PITPNC1: variants seen among roughly 807,000 people sequenced by gnomAD.
PITPNC1 encodes cytoplasmic phosphatidylinositol transfer protein 1.
A neutral mutation model predicts 44.7 loss-of-function variants in PITPNC1; 18 were observed. That is an observed-to-expected ratio of 0.40 (90% CI 0.28 to 0.60). PITPNC1 has a LOEUF of 0.60. PITPNC1 is among the 20% of genes least tolerant of loss of function. The pLI is 0.39. For missense variants in PITPNC1, 290 were observed against 418.4 expected (o/e 0.69, Z 2.68); for synonymous variants, 141 against 149.6 (o/e 0.94, Z 0.42).
chr17:67,419,197 A>C (rs2038630079), intron 1 of PITPNC1, among the ~76,000 whole-genome samples: 1 of 151,996 alleles, frequency 6.6e-6, no homozygotes, highest in Admixed American at 6.6e-5. Context: ...GAAAGCAGAA[A>C]GATGCAACAG....
intron 1 of PITPNC1, among the ~76,000 whole-genome samples, chr17:67,504,557 G>A (rs1354782429): frequency 6.6e-6 from 1 of 152,186 alleles, no homozygotes; most frequent in Non-Finnish European, 1.5e-5. Flanking sequence ...CTGGAGCAAA[G>A]GGAAGACCTG....
At chr17:67,493,982 T>C (rs776166914) in intron 1 of PITPNC1, among the ~76,000 whole-genome samples, 11 of 152,236 alleles carry the variant, frequency 7.2e-5, no homozygotes, top group Non-Finnish European at 1.3e-4. Flanking sequence ...ATGTATTGAA[T>C]GCCTGCCATG....
At chr17:67,406,390 T>A (rs2038401750) in intron 1 of PITPNC1, among the ~76,000 whole-genome samples, 1 of 152,184 alleles carries the variant, frequency 6.6e-6, no homozygotes, top group Admixed American at 6.5e-5. Flanking sequence ...CCCCAACCAC[T>A]GGCAGCTACT....
intron 2 of PITPNC1, among the ~76,000 whole-genome samples, chr17:67,535,015 A>G (rs2040509212): frequency 6.6e-6 from 1 of 152,188 alleles, no homozygotes; most frequent in Non-Finnish European, 1.5e-5. Context: ...GGGTGGATGG[A>G]ATTCTCCCAG....
chr17:67,404,254 A>T (rs2038364740), intron 1 of PITPNC1, among the ~76,000 whole-genome samples: 1 of 152,246 alleles, frequency 6.6e-6, no homozygotes, highest in Admixed American at 6.5e-5. Flanking sequence ...GAACATTCTC[A>T]GTGGAAAATG....
chr17:67,398,062 C>T lies in PITPNC1; in HGVS notation c.48+19860C>T, dbSNP rs574493519. ...GAGCCGAGATCGCGCCACTGCACTC[C>T]AGCCTGGGCGACAGAGCGAGACTCC... is the stretch of plus-strand genomic sequence containing the variant. On this transcript the variant is annotated intron_variant, in intron 1 of 8. Transcript: ENST00000581322. 8.5e-4 allele frequency among the ~76,000 whole-genome samples: 126 copies of T among 148,538 alleles called. 3 individuals are homozygous for T. The South Asian group carries it at 0.018, about 21-fold the overall frequency.
At chr17:67,403,045 T>A (rs545084048) in intron 1 of PITPNC1, among the ~76,000 whole-genome samples, 1 of 152,246 alleles carries the variant, frequency 6.6e-6, no homozygotes, top group African/African-American at 2.4e-5. Context: ...GTGATAAGCA[T>A]GCCTTTGTGT....
intron 8 of PITPNC1, among the ~76,000 whole-genome samples, chr17:67,678,530 G>A (rs2042645034): frequency 6.6e-6 from 1 of 152,202 alleles, no homozygotes; most frequent in African/African-American, 2.4e-5. Flanking sequence ...TTTTCACTCA[G>A]CAGTGGTCTG....
At chr17:67,643,255 A>G (rs1461449055) in intron 6 of PITPNC1, among the ~76,000 whole-genome samples, 2 of 152,204 alleles carry the variant, frequency 1.3e-5, no homozygotes, top group South Asian at 2.1e-4. Flanking sequence ...GCATGGCGGC[A>G]CGCACCTGTA....
chr17:67,614,148 C>T (rs764541111), intron 5 of PITPNC1, among the ~76,000 whole-genome samples: 1 of 151,646 alleles, frequency 6.6e-6, no homozygotes, highest in Admixed American at 6.6e-5. Flanking sequence ...GCTTTCCCTT[C>T]CTTGGTGATA....
intron 1 of PITPNC1, among the ~76,000 whole-genome samples, chr17:67,466,205 T>TC (rs1555654140): frequency 3.6e-5 from 1 of 27,746 alleles, no homozygotes; most frequent in Admixed American, 4.2e-4. Flanking sequence ...GGTGGGGGGG[T>TC]GGGGGGGGGC....
chr17:67,439,548 A>G (rs1485624447), intron 1 of PITPNC1, among the ~76,000 whole-genome samples: 1 of 152,200 alleles, frequency 6.6e-6, no homozygotes, highest in Non-Finnish European at 1.5e-5. Flanking sequence ...TCATAGAAAA[A>G]GATATGTTCT....
intron 5 of PITPNC1, among the ~76,000 whole-genome samples, chr17:67,598,392 AT>A (rs893852430): frequency 3.9e-5 from 6 of 152,240 alleles, no homozygotes; most frequent in East Asian, 1.9e-4. Flanking sequence ...AAGGCGAGGA[AT>A]TTTTTTTAAG....
At chr17:67,634,778 C>T (rs1429774484) in intron 6 of PITPNC1, among the ~76,000 whole-genome samples, 1 of 152,024 alleles carries the variant, frequency 6.6e-6, no homozygotes, top group Non-Finnish European at 1.5e-5. Flanking sequence ...TCAGGCCGGG[C>T]GCAGTGCCTC....
intron 5 of PITPNC1, among the ~76,000 whole-genome samples, chr17:67,590,953 C>CAA (rs200548431): frequency 5.7e-4 from 70 of 123,436 alleles, no homozygotes; most frequent in African/African-American, 1.7e-3. Context: ...AACTCTGTCT[C>CAA]AAAAAAAAAA....
intron 1 of PITPNC1, among the ~76,000 whole-genome samples, chr17:67,397,255 G>A (rs1472261783): frequency 6.6e-6 from 1 of 152,014 alleles, no homozygotes; most frequent in Non-Finnish European, 1.5e-5. Context: ...TGCTGAGATT[G>A]CAGGCGTCAG....
At chr17:67,557,893 G>C (rs190306873) in intron 4 of PITPNC1, among the ~76,000 whole-genome samples, 290 of 152,124 alleles carry the variant, frequency 1.9e-3, no homozygotes, top group Non-Finnish European at 3.5e-3. Context: ...GTTCCTGTTC[G>C]GTGCCTCAAA....
chr17:67,489,734 T>C (rs2039835443), intron 1 of PITPNC1, among the ~76,000 whole-genome samples: 1 of 152,118 alleles, frequency 6.6e-6, no homozygotes, highest in South Asian at 2.1e-4. Context: ...TCTTTTTGGT[T>C]ATTTCTTTTT....
intron 1 of PITPNC1, among the ~76,000 whole-genome samples, chr17:67,513,391 A>G (rs1438640113): frequency 6.7e-6 from 1 of 148,596 alleles, no homozygotes; most frequent in Non-Finnish European, 1.5e-5. Flanking sequence ...CTATATCTAT[A>G]TCTATATCTA....
Sources: gnomAD v4.1 joint callset for allele counts (sites outside exome capture counted in the v4.1 genomes callset) on GRCh38, gnomAD v4.1.1 for gene constraint, MANE v1.5 for transcripts, NCBI Gene and HGNC (gene_info 2026-07-23, HGNC 2026-07-21) for gene names.